Variants in AATF observed in about 807,000 individuals in gnomAD.
The protein encoded by AATF is apoptosis antagonizing transcription factor.
A neutral mutation model predicts 63.7 loss-of-function variants in AATF; 48 were observed. The observed-to-expected ratio is 0.75, with a 90% CI of 0.60 to 0.96. The LOEUF (loss-of-function observed/expected upper bound fraction) is 0.96, where lower values mean the gene tolerates loss of function less well. Ranked by LOEUF, AATF falls within the 40% of genes least tolerant of loss-of-function variation. The pLI is 0.00. For synonymous variants in AATF, 258 were observed against 247.7 expected, an observed-to-expected ratio of 1.04 and a Z score of -0.39; for missense variants, 639 against 685.7, an observed-to-expected ratio of 0.93 and a Z score of 0.76.
At chr17:37,040,755 C>G (rs941064946) in intron 11 of AATF, among the ~76,000 whole-genome samples, 18 of 150,332 alleles carry the variant, frequency 1.2e-4, no homozygotes, top group African/African-American at 4.1e-4. Context: ...CTTCCCCCCC[C>G]ACGCTTTCTT....
chr17:36,958,114 C>T (rs570038665), intron 4 of AATF, among the ~76,000 whole-genome samples: 18 of 152,018 alleles, frequency 1.2e-4, no homozygotes, highest in African/African-American at 4.3e-4. Flanking sequence ...AAGGGATTTT[C>T]TGTGCACAAA....
At chr17:36,955,247 G>A (rs914390072) in intron 4 of AATF, among the ~76,000 whole-genome samples, 4 of 152,210 alleles carry the variant, frequency 2.6e-5, no homozygotes, top group African/African-American at 9.6e-5. Context: ...TCAATGTGTA[G>A]GATTTCCCAG....
chr17:37,031,536 G>A, intron 10 of AATF, 78 bp from the exon 11 acceptor site: 1 of 1,191,102 alleles, frequency 8.4e-7, no homozygotes, highest in Non-Finnish European at 1.3e-6. Context: ...TCTGGAGTTT[G>A]TTAACTCACT....
intron 4 of AATF, among the ~76,000 whole-genome samples, chr17:36,958,266 G>A (rs1472515479): frequency 1.3e-5 from 2 of 152,028 alleles, no homozygotes; most frequent in South Asian, 2.1e-4. Context: ...AGGTTCAAGC[G>A]ATTCTCCTGT....
intron 4 of AATF, among the ~76,000 whole-genome samples, chr17:36,977,520 TAAA>T (rs1258885277): frequency 3.9e-5 from 6 of 152,074 alleles, no homozygotes; most frequent in Non-Finnish European, 8.8e-5. Context: ...TGAGACTTCT[TAAA>T]AATCAGAGGG....
intron 4 of AATF, among the ~76,000 whole-genome samples, chr17:36,984,206 G>A (rs1357814813): frequency 1.3e-5 from 2 of 152,222 alleles, no homozygotes; most frequent in African/African-American, 4.8e-5. Context: ...GGATGCTTGT[G>A]AGACTACAGT....
intron 8 of AATF, among the ~76,000 whole-genome samples, chr17:37,004,435 G>A (rs1355617231): frequency 1.3e-5 from 2 of 152,174 alleles, no homozygotes; most frequent in Non-Finnish European, 2.9e-5. Flanking sequence ...CTGCTGGAAG[G>A]TTTGAGAGAG....
intron 10 of AATF, among the ~76,000 whole-genome samples, chr17:37,029,348 A>G (rs961730226): frequency 1.3e-5 from 2 of 150,082 alleles, no homozygotes; most frequent in Non-Finnish European, 3.0e-5. Flanking sequence ...AGTTCAAGCA[A>G]TTCTCCTCCC....
intron 4 of AATF, among the ~76,000 whole-genome samples, chr17:36,963,482 GTGGTT>G (rs1324681202): frequency 1.3e-5 from 2 of 152,190 alleles, no homozygotes; most frequent in African/African-American, 4.8e-5. Context: ...GATTTTCAAA[GTGGTT>G]TTGTCAAAAC....
At chr17:37,030,296 G>A (rs1245057504) in intron 10 of AATF, among the ~76,000 whole-genome samples, 5 of 152,104 alleles carry the variant, frequency 3.3e-5, no homozygotes, top group African/African-American at 9.7e-5. Flanking sequence ...CCTTTGGGAG[G>A]CTGAGCTGTG....
At chr17:36,962,463 G>A (rs1040495367) in intron 4 of AATF, among the ~76,000 whole-genome samples, 3 of 152,130 alleles carry the variant, frequency 2.0e-5, no homozygotes, top group African/African-American at 4.8e-5. Flanking sequence ...GTGAGCTAAG[G>A]GCAGCTTAAA....
intron 4 of AATF, among the ~76,000 whole-genome samples, chr17:36,963,957 A>T (rs111311806): frequency 0.037 from 5,646 of 152,212 alleles, 355 homozygotes; most frequent in African/African-American, 0.13. Context: ...TGGGCAGATC[A>T]CTTGAGCCCA....
At chr17:36,963,586 A>G (rs997355413) in intron 4 of AATF, among the ~76,000 whole-genome samples, 3 of 152,228 alleles carry the variant, frequency 2.0e-5, no homozygotes, top group Non-Finnish European at 4.4e-5. Context: ...CTGTTCTTAA[A>G]TTGTTTTTTT....
chr17:37,048,816 A>G (rs1007281433), intron 11 of AATF, among the ~76,000 whole-genome samples: 2 of 152,194 alleles, frequency 1.3e-5, no homozygotes, highest in Non-Finnish European at 2.9e-5. Context: ...TAGGTCATAG[A>G]GACACTTCTC....
At position 36,949,159 on chromosome 17, in the gene AATF, G is replaced by A; in HGVS notation, c.34G>A (p.Glu12Lys). 6.3e-7 allele frequency: 1 copy of A among 1,591,056 alleles called. No homozygotes were observed. Among genetic ancestry groups the A allele is most frequent in the Non-Finnish European group, 8.5e-7 (1 of 1,170,584 alleles). ...GCCGCAGCCCCTGGCGCTGCAACTG[G>A]AACAGTTGTTGAACCCGCGACCAAG... ...AGPQPLALQL[E>K]QLLNPRPSEA... Residue 12 changes from glutamate to lysine, a missense_variant, in exon 1 of 12, where the codon GAA becomes AAA. Coordinates refer to ENST00000619387, the MANE Select transcript of AATF (RefSeq NM_012138.4).
intron 10 of AATF, among the ~76,000 whole-genome samples, chr17:37,028,106 T>C: frequency 6.6e-6 from 1 of 152,208 alleles, no homozygotes; most frequent in East Asian, 1.9e-4. Context: ...AACTCAGCAA[T>C]TTCACATCTA....
chr17:36,996,919 C>T (rs1203922578), intron 8 of AATF, among the ~76,000 whole-genome samples: 2 of 152,154 alleles, frequency 1.3e-5, no homozygotes, highest in Non-Finnish European at 2.9e-5. Flanking sequence ...AAAGGTAAAA[C>T]CTCAGAACGA....
chr17:37,051,689 G>GACACACACACACAC (rs1447795733), intron 11 of AATF, among the ~76,000 whole-genome samples: 3 of 118,496 alleles, frequency 2.5e-5, no homozygotes, highest in African/African-American at 9.8e-5. Context: ...CAGACAGACA[G>GACACACACACACAC]ACAGACAGAC....
chr17:36,990,681 G>A, intron 7 of AATF, 93 bp from the exon 8 acceptor site: 2 of 802,446 alleles, frequency 2.5e-6, no homozygotes, highest in Non-Finnish European at 4.0e-6. Flanking sequence ...AAGGAAAACA[G>A]TGCTTTGACT....
Sources: allele counts gnomAD v4.1 joint callset (sites outside exome capture counted in the v4.1 genomes callset), GRCh38; gene constraint gnomAD v4.1.1; transcripts MANE v1.5; gene names NCBI Gene and HGNC (gene_info 2026-07-23, HGNC 2026-07-21).